GRIP1: variants seen among roughly 807,000 people sequenced by gnomAD.
GRIP1 encodes the protein glutamate receptor-interacting protein 1.
A neutral mutation model predicts 129.9 loss-of-function variants in GRIP1; 45 were observed. The observed-to-expected ratio is 0.35, with a 90% CI of 0.27 to 0.44. GRIP1 has a LOEUF of 0.44. Ranked by LOEUF, GRIP1 falls within the 20% of genes least tolerant of loss-of-function variation. The pLI is 1.00. For synonymous variants in GRIP1, 530 were observed against 520.8 expected (o/e 1.02, Z -0.24); for missense variants, 1,196 against 1,396.8 (o/e 0.86, Z 2.29).
At chr12:67,025,733 C>T (rs1359132841) in intron 1 of GRIP1, among the ~76,000 whole-genome samples, 2 of 152,120 alleles carry the variant, frequency 1.3e-5, no homozygotes, top group Non-Finnish European at 2.9e-5. Flanking sequence ...CGAGGGTCCT[C>T]AGCTAGGTTT....
intron 23 of GRIP1, among the ~76,000 whole-genome samples, chr12:66,368,251 AT>A (rs564860801): frequency 0.016 from 2,475 of 152,052 alleles, 74 homozygotes; most frequent in African/African-American, 0.057. Context: ...GTTTTTAGCT[AT>A]TTTTCCTCCC....
At chr12:66,663,087 C>T (rs1037737422) in intron 1 of GRIP1, among the ~76,000 whole-genome samples, 1 of 152,258 alleles carries the variant, frequency 6.6e-6, no homozygotes, top group South Asian at 2.1e-4. Flanking sequence ...ATCACAGCAA[C>T]TTGATAATGT....
At chr12:66,852,538 A>G (rs200634792) in intron 1 of GRIP1, among the ~76,000 whole-genome samples, 5 of 131,894 alleles carry the variant, frequency 3.8e-5, no homozygotes, top group African/African-American at 1.4e-4. Flanking sequence ...ATATGTATAT[A>G]TGTATATATG....
At chr12:66,779,051 G>A (rs2038075572) in intron 1 of GRIP1, among the ~76,000 whole-genome samples, 1 of 152,122 alleles carries the variant, frequency 6.6e-6, no homozygotes, top group Non-Finnish European at 1.5e-5. Flanking sequence ...GAAATTCAAA[G>A]AAAAGATGGA....
At chr12:66,510,743 T>C (rs7956611) in intron 7 of GRIP1, among the ~76,000 whole-genome samples, 46,889 of 151,792 alleles carry the variant, frequency 0.31, 7,322 homozygotes, top group Middle Eastern at 0.39. Context: ...GACTCCAGGG[T>C]TGAGGTATTG....
intron 1 of GRIP1, among the ~76,000 whole-genome samples, chr12:66,746,504 G>A: frequency 6.6e-6 from 1 of 152,144 alleles, no homozygotes; most frequent in South Asian, 2.1e-4. Context: ...TTATAGAATT[G>A]GGGAAATTGT....
chr12:66,922,356 C>G (rs1454030674), intron 1 of GRIP1, among the ~76,000 whole-genome samples: 1 of 152,148 alleles, frequency 6.6e-6, no homozygotes, highest in South Asian at 2.1e-4. Context: ...ACCAGGACTC[C>G]GTGTTCTCTG....
At chr12:66,810,683 A>C (rs1252983908) in intron 1 of GRIP1, among the ~76,000 whole-genome samples, 2 of 152,220 alleles carry the variant, frequency 1.3e-5, no homozygotes, top group Non-Finnish European at 2.9e-5. Flanking sequence ...ACCATCCACG[A>C]AATGCTAGCA....
chr12:66,649,693 T>C (rs998121611), intron 1 of GRIP1, among the ~76,000 whole-genome samples: 1 of 152,142 alleles, frequency 6.6e-6, no homozygotes, highest in African/African-American at 2.4e-5. Flanking sequence ...TGGAAATTGG[T>C]AAAGTTTCAT....
chr12:66,974,279 C>A (rs1356529412), intron 1 of GRIP1, among the ~76,000 whole-genome samples: 2 of 152,078 alleles, frequency 1.3e-5, no homozygotes, highest in Non-Finnish European at 2.9e-5. Flanking sequence ...AAATCTCAAC[C>A]CCCACTCCAT....
intron 16 of GRIP1, among the ~76,000 whole-genome samples, chr12:66,401,598 G>GTATATATATATATATATATATA (rs1555177931): frequency 1.5e-5 from 1 of 66,270 alleles, no homozygotes; most frequent in African/African-American, 6.1e-5. Flanking sequence ...AAATATGTGT[G>GTATATATATATATATATATATA]TATATATATA....
intron 1 of GRIP1, among the ~76,000 whole-genome samples, chr12:66,699,350 A>G (rs1215430695): frequency 6.6e-6 from 1 of 152,194 alleles, no homozygotes; most frequent in Non-Finnish European, 1.5e-5. Flanking sequence ...CCCCACCTGA[A>G]TCTCATCTTG....
chr12:66,677,489 G>GT (rs1161178952), intron 1 of GRIP1, among the ~76,000 whole-genome samples: 1 of 152,100 alleles, frequency 6.6e-6, no homozygotes, highest in Non-Finnish European at 1.5e-5. Flanking sequence ...AGCCAAAACC[G>GT]TAACAGAAAG....
At chr12:66,364,038 G>A (rs2137200946) in intron 23 of GRIP1, among the ~76,000 whole-genome samples, 1 of 152,096 alleles carries the variant, frequency 6.6e-6, no homozygotes, top group East Asian at 1.9e-4. Flanking sequence ...GGATCATGAG[G>A]TCAGGAATTC....
At chr12:67,001,178 T>C (rs1340902792) in intron 1 of GRIP1, among the ~76,000 whole-genome samples, 3 of 152,208 alleles carry the variant, frequency 2.0e-5, no homozygotes. Flanking sequence ...TCCTACCAGA[T>C]ATTTTTGGAA....
At chr12:66,904,347 G>A (rs2040893238) in intron 1 of GRIP1, among the ~76,000 whole-genome samples, 1 of 152,148 alleles carries the variant, frequency 6.6e-6, no homozygotes, top group African/African-American at 2.4e-5. Context: ...ATGGAAAAGT[G>A]GAAGTAATGG....
intron 1 of GRIP1, among the ~76,000 whole-genome samples, chr12:66,693,034 T>A (rs2136320853): frequency 6.6e-6 from 1 of 152,286 alleles, no homozygotes; most frequent in South Asian, 2.1e-4. Context: ...TTTAGGATAG[T>A]GCTTGATACA....
At chr12:66,461,739 C>CG (rs1796472017) in intron 9 of GRIP1, among the ~76,000 whole-genome samples, 1 of 151,990 alleles carries the variant, frequency 6.6e-6, no homozygotes, top group Non-Finnish European at 1.5e-5. Flanking sequence ...TCTTTCCCCC[C>CG]GCCCCAGACT....
intron 1 of GRIP1, among the ~76,000 whole-genome samples, chr12:66,760,567 C>T (rs1029219600): frequency 4.6e-5 from 7 of 152,126 alleles, no homozygotes; most frequent in South Asian, 2.1e-4. Flanking sequence ...GTCATGAGAA[C>T]AGCACAAGAA....
Sources: gnomAD v4.1 joint callset for allele counts (sites outside exome capture counted in the v4.1 genomes callset) on GRCh38, gnomAD v4.1.1 for gene constraint, MANE v1.5 for transcripts, NCBI Gene and HGNC (gene_info 2026-07-23, HGNC 2026-07-21) for gene names.